TMEM232: variants seen among roughly 807,000 people sequenced by gnomAD.
TMEM232 encodes the protein transmembrane protein 232.
TMEM232 carries 80 observed loss-of-function variants against 78.8 expected under a neutral mutation model. The observed-to-expected ratio is 1.01, with a 90% confidence interval of 0.85 to 1.22. The LOEUF is 1.22. TMEM232 is among the 50% of genes most tolerant of loss of function. TMEM232 has a pLI of 0.00. For synonymous variants in TMEM232, 297 were observed against 254.3 expected (o/e 1.17, Z -1.60); for missense variants, 881 against 742.2 (o/e 1.19, Z -2.17).
chr5:110,535,298 T>G (rs1772173452), intron 11 of TMEM232, among the ~76,000 whole-genome samples: 1 of 152,100 alleles, frequency 6.6e-6, no homozygotes, highest in Non-Finnish European at 1.5e-5. Flanking sequence ...TCATACTGAC[T>G]CGAAAGCTCC....
chr5:110,627,780 C>T lies in TMEM232; in HGVS notation c.601+1G>A, dbSNP rs770605044. On this transcript the variant is annotated splice_donor_variant, in intron 6 of 13. Transcript: ENST00000455884. LOFTEE classifies it high-confidence loss of function. The stretch of plus-strand genomic sequence containing the variant: ...AAGTGTAAAAATAAAAGATATTCTA[C>T]CGTATAAATATGGTTGAAGCCTAAG... The T allele has an allele frequency of 1.7e-5, 25 of 1,462,988 alleles. No individual in the cohort carries two copies. Among genetic ancestry groups the T allele is most frequent in the African/African-American group, 1.4e-5 (1 of 69,068 alleles). The allele number at this position is 1,462,988 out of a possible 1,614,324, so 90.6% of individuals were successfully genotyped here. A position where few individuals can be genotyped will look rare whatever the true frequency, so the allele number is the denominator to read the frequency against.
chr5:110,491,214 A>T (rs934947015), intron 12 of TMEM232, among the ~76,000 whole-genome samples: 2 of 151,850 alleles, frequency 1.3e-5, no homozygotes, highest in Non-Finnish European at 1.5e-5. Flanking sequence ...ATATGAACAT[A>T]AAAAGACATT....
intron 8 of TMEM232, among the ~76,000 whole-genome samples, chr5:110,609,852 T>C (rs1047662394): frequency 2.6e-5 from 4 of 151,982 alleles, no homozygotes; most frequent in African/African-American, 9.7e-5. Context: ...TATATAAGAC[T>C]AAGGAAAATA....
At chr5:110,708,938 G>T (rs1796205931) in intron 1 of TMEM232, among the ~76,000 whole-genome samples, 1 of 151,898 alleles carries the variant, frequency 6.6e-6, no homozygotes, top group South Asian at 2.1e-4. Flanking sequence ...AAATATAGTG[G>T]CCGAATGGAT....
At chr5:110,521,743 T>C (rs1270098123) in intron 12 of TMEM232, among the ~76,000 whole-genome samples, 1 of 152,200 alleles carries the variant, frequency 6.6e-6, no homozygotes, top group Non-Finnish European at 1.5e-5. Context: ...GGAAACCTTG[T>C]CAATGGTCAA....
chr5:110,563,339 AAAG>A (rs914691784), intron 11 of TMEM232, among the ~76,000 whole-genome samples: 23 of 152,068 alleles, frequency 1.5e-4, no homozygotes, highest in Admixed American at 3.3e-4. Context: ...TTTGAAGAAA[AAAG>A]AATATCTTAT....
At chr5:110,523,304 CA>C (rs1233931217) in intron 12 of TMEM232, among the ~76,000 whole-genome samples, 1 of 151,838 alleles carries the variant, frequency 6.6e-6, no homozygotes, top group African/African-American at 2.4e-5. Flanking sequence ...CTTAGAATAC[CA>C]AGAGGTTGAC....
rs1561477603 is a variant in TMEM232, at chr5:110,424,847, CTCTT to C, written c.1769_1772del (p.Lys590SerfsTer14). On this transcript the variant is annotated frameshift_variant, in exon 13 of 14. Coordinates refer to ENST00000455884, the MANE Select transcript of TMEM232 (RefSeq NM_001039763.4). LOFTEE classifies it low-confidence loss of function (END_TRUNC). ...CGTGATGGTCAATGATTTTTGCCAACTCTTTATCTGCCTTGGTGAAGAAATCTGG... is the reference window on the plus strand; with the variant it reads ...CGTGATGGTCAATGATTTTTGCCAACTATCTGCCTTGGTGAAGAAATCTGG... The C allele has an allele frequency of 6.5e-7, 1 of 1,549,506 alleles. No individual in the cohort carries two copies. The highest frequency in any genetic ancestry group is 1.2e-5 in the South Asian group (1 of 83,684).
intron 6 of TMEM232, among the ~76,000 whole-genome samples, chr5:110,626,735 C>T (rs1381729119): frequency 6.6e-6 from 1 of 152,030 alleles, no homozygotes; most frequent in Admixed American, 6.6e-5. Flanking sequence ...CACCTCTCCA[C>T]TGGGTATGCT....
At chr5:110,719,552 G>A (rs919047829) in intron 1 of TMEM232, among the ~76,000 whole-genome samples, 4 of 151,918 alleles carry the variant, frequency 2.6e-5, no homozygotes, top group Admixed American at 6.6e-5. Context: ...AAAATTTTTT[G>A]TTGGAAATTG....
chr5:110,695,651 C>G (rs1580702504), intron 1 of TMEM232, among the ~76,000 whole-genome samples: 1 of 152,116 alleles, frequency 6.6e-6, no homozygotes, highest in Non-Finnish European at 1.5e-5. Context: ...ATACAAACTA[C>G]CATCAGAGAA....
chr5:110,484,743 C>T (rs563202682), intron 12 of TMEM232, among the ~76,000 whole-genome samples: 16 of 151,900 alleles, frequency 1.1e-4, no homozygotes, highest in African/African-American at 3.9e-4. Flanking sequence ...GTGGTGAACT[C>T]GTCAATATAA....
chr5:110,564,891 T>C (rs961467582), intron 11 of TMEM232, among the ~76,000 whole-genome samples: 1 of 151,882 alleles, frequency 6.6e-6, no homozygotes, highest in African/African-American at 2.4e-5. Flanking sequence ...ATTAGTGAAA[T>C]CCCTAAACCA....
At chr5:110,609,586 A>T (rs1781934757) in intron 8 of TMEM232, among the ~76,000 whole-genome samples, 1 of 151,954 alleles carries the variant, frequency 6.6e-6, no homozygotes, top group Non-Finnish European at 1.5e-5. Flanking sequence ...CAGTGTCTAT[A>T]GGCATGTGGG....
At chr5:110,728,163 C>T (rs1238578945), upstream of TMEM232, among the ~76,000 whole-genome samples, 1 of 151,798 alleles carries the variant, frequency 6.6e-6, no homozygotes, top group South Asian at 2.1e-4. Flanking sequence ...GTCACCCCAT[C>T]GATTCTACAG....
intron 12 of TMEM232, among the ~76,000 whole-genome samples, chr5:110,527,493 G>C (rs977453818): frequency 6.6e-6 from 1 of 151,912 alleles, no homozygotes; most frequent in African/African-American, 2.4e-5. Flanking sequence ...TAAATTTACA[G>C]ATGCATTTTC....
chr5:110,531,628 C>A (rs563403561), intron 11 of TMEM232, among the ~76,000 whole-genome samples: 1 of 152,136 alleles, frequency 6.6e-6, no homozygotes, highest in African/African-American at 2.4e-5. Flanking sequence ...ATGTTTTATT[C>A]GTCTCCTTTT....
intron 12 of TMEM232, among the ~76,000 whole-genome samples, chr5:110,444,680 A>G (rs1244374945): frequency 6.6e-6 from 1 of 152,168 alleles, no homozygotes; most frequent in Non-Finnish European, 1.5e-5. Context: ...CATTTGTTAC[A>G]TAGCATTGGA....
chr5:110,507,917 TGTGA>T (rs889453517), intron 12 of TMEM232, among the ~76,000 whole-genome samples: 1 of 152,202 alleles, frequency 6.6e-6, no homozygotes, highest in African/African-American at 2.4e-5. Flanking sequence ...AATTACTATA[TGTGA>T]CTTTTTTTCT....
Sources: gnomAD v4.1 joint callset for allele counts (sites outside exome capture counted in the v4.1 genomes callset) on GRCh38, gnomAD v4.1.1 for gene constraint, MANE v1.5 for transcripts, NCBI Gene and HGNC (gene_info 2026-07-23, HGNC 2026-07-21) for gene names.